Variants in SCHIP1 observed in about 807,000 individuals in gnomAD.
SCHIP1 encodes the protein schwannomin interacting protein 1.
SCHIP1 carries 8 observed loss-of-function variants against 29.7 expected under a neutral mutation model. That is an observed-to-expected ratio of 0.27 (90% confidence interval 0.16 to 0.49). The LOEUF is 0.49. Ranked by LOEUF, SCHIP1 falls within the 20% of genes least tolerant of loss-of-function variation. The probability of loss-of-function intolerance (pLI) is 0.99; values close to 1 mark genes in which losing one functional copy is unlikely to be tolerated. For synonymous variants in SCHIP1, 76 were observed against 94.9 expected (o/e 0.80, Z 1.16); for missense variants, 193 against 294.6 (o/e 0.66, Z 2.52).
the SCHIP1 span, among the ~76,000 whole-genome samples, chr3:159,370,341 T>C: frequency 1.3e-5 from 2 of 152,232 alleles, no homozygotes; most frequent in Non-Finnish European, 2.9e-5. Flanking sequence ...TTCATTTCTA[T>C]ACTTGCTTAA....
the SCHIP1 span, among the ~76,000 whole-genome samples, chr3:159,583,115 G>A: frequency 2.0e-5 from 3 of 152,072 alleles, no homozygotes; most frequent in Non-Finnish European, 2.9e-5. Context: ...TCAAACACTT[G>A]TACCACATGT....
At chr3:159,697,366 A>G in the SCHIP1 span, among the ~76,000 whole-genome samples, 4 of 152,206 alleles carry the variant, frequency 2.6e-5, no homozygotes, top group African/African-American at 9.7e-5. Context: ...TTTTGACAGA[A>G]AGATGATAAG....
At chr3:159,842,047 A>C (rs1014621962) in intron 1 of SCHIP1, among the ~76,000 whole-genome samples, 4 of 152,196 alleles carry the variant, frequency 2.6e-5, no homozygotes, top group African/African-American at 9.6e-5. Flanking sequence ...CTAGATTCAG[A>C]AAAGGTGCTT....
the SCHIP1 span, among the ~76,000 whole-genome samples, chr3:159,677,887 G>C: frequency 2.6e-5 from 4 of 152,132 alleles, no homozygotes; most frequent in Non-Finnish European, 5.9e-5. Flanking sequence ...CCAGGCTGGG[G>C]TGCAGTGGTG....
At chr3:159,357,568 C>T in the SCHIP1 span, among the ~76,000 whole-genome samples, 1 of 152,164 alleles carries the variant, frequency 6.6e-6, no homozygotes, top group African/African-American at 2.4e-5. Context: ...GACTCAAATA[C>T]CTAATCAAAG....
the SCHIP1 span, among the ~76,000 whole-genome samples, chr3:159,668,927 G>C: frequency 6.6e-6 from 1 of 152,068 alleles, no homozygotes; most frequent in African/African-American, 2.4e-5. Flanking sequence ...AAAATTATGA[G>C]ACAGTTCTAC....
the SCHIP1 span, among the ~76,000 whole-genome samples, chr3:159,810,641 G>A: frequency 1.3e-5 from 2 of 152,186 alleles, no homozygotes; most frequent in South Asian, 2.1e-4. Context: ...GCACATAACA[G>A]TAGTTCCTTC....
the SCHIP1 span, among the ~76,000 whole-genome samples, chr3:159,370,164 TAAAGA>T: frequency 1.3e-5 from 2 of 152,120 alleles, no homozygotes; most frequent in Non-Finnish European, 2.9e-5. Context: ...CCAAATGGAG[TAAAGA>T]CCAGTCTTGC....
At chr3:159,506,791 AT>A in the SCHIP1 span, among the ~76,000 whole-genome samples, 908 of 152,176 alleles carry the variant, frequency 6.0e-3, 9 homozygotes, top group African/African-American at 0.021. Context: ...GTGTGGTATT[AT>A]TTCTGAGGGT....
the SCHIP1 span, among the ~76,000 whole-genome samples, chr3:159,567,586 A>T: frequency 1.3e-5 from 2 of 152,140 alleles, no homozygotes; most frequent in Non-Finnish European, 2.9e-5. Context: ...GTTAAGCTCC[A>T]CATATGTGTT....
the SCHIP1 span, among the ~76,000 whole-genome samples, chr3:159,508,676 T>C: frequency 5.9e-5 from 9 of 152,094 alleles, no homozygotes; most frequent in Admixed American, 2.0e-4. Flanking sequence ...TGTCTTTGTT[T>C]TTGTTGGTTT....
At chr3:159,428,400 T>C in the SCHIP1 span, among the ~76,000 whole-genome samples, 3 of 151,780 alleles carry the variant, frequency 2.0e-5, no homozygotes, top group Non-Finnish European at 2.9e-5. Flanking sequence ...TGAACAGACA[T>C]TTCTCAAAAG....
chr3:159,393,777 G>C, the SCHIP1 span, among the ~76,000 whole-genome samples: 4 of 151,434 alleles, frequency 2.6e-5, no homozygotes, highest in African/African-American at 9.7e-5. Flanking sequence ...TTTTGGCTTA[G>C]GATTGACTTG....
chr3:159,576,529 G>T, the SCHIP1 span, among the ~76,000 whole-genome samples: 8 of 152,168 alleles, frequency 5.3e-5, no homozygotes, highest in African/African-American at 1.9e-4. Context: ...TGAGCCTCTA[G>T]TCATTTATTA....
At chr3:159,822,384 G>T in the SCHIP1 span, among the ~76,000 whole-genome samples, 7 of 151,952 alleles carry the variant, frequency 4.6e-5, no homozygotes, top group Admixed American at 6.6e-5. Context: ...TGCAATGGAA[G>T]AATTATTGGA....
chr3:159,337,566 C>T, the SCHIP1 span, among the ~76,000 whole-genome samples: 79 of 151,894 alleles, frequency 5.2e-4, no homozygotes, highest in African/African-American at 1.8e-3. Context: ...ACAAACAGAG[C>T]GCCAAATCAC....
At chr3:159,670,206 G>A in the SCHIP1 span, among the ~76,000 whole-genome samples, 1 of 152,310 alleles carries the variant, frequency 6.6e-6, no homozygotes, top group South Asian at 2.1e-4. Context: ...TCAAGGCATT[G>A]AGATTGTAAA....
At chr3:159,551,195 A>G in the SCHIP1 span, among the ~76,000 whole-genome samples, 1 of 152,190 alleles carries the variant, frequency 6.6e-6, no homozygotes, top group African/African-American at 2.4e-5. Context: ...AGATTTAAGA[A>G]CACCTGGTAT....
At chr3:159,885,580 C>CTGTG (rs1716884102) in intron 2 of SCHIP1, among the ~76,000 whole-genome samples, 1 of 152,166 alleles carries the variant, frequency 6.6e-6, no homozygotes, top group African/African-American at 2.4e-5. Context: ...CAGAACCTTG[C>CTGTG]TGTGTTCTAA....
Sources: gnomAD v4.1 joint callset for allele counts (sites outside exome capture counted in the v4.1 genomes callset) on GRCh38, gnomAD v4.1.1 for gene constraint, MANE v1.5 for transcripts, NCBI Gene and HGNC (gene_info 2026-07-23, HGNC 2026-07-21) for gene names.